The following TRIM64C variants were observed in gnomAD, a reference collection of about 807,000 sequenced individuals.
TRIM64C encodes the protein tripartite motif containing 64C, also known as tripartite motif-containing protein 64C.
TRIM64C carries 25 observed loss-of-function variants against 36.1 expected under a neutral mutation model. The ratio of observed to expected loss-of-function variants is 0.69; its 90% CI spans 0.51 to 0.97. The LOEUF is 0.97. TRIM64C is among the 50% of genes least tolerant of loss of function. TRIM64C has a pLI of 0.00. For missense variants in TRIM64C, 489 were observed against 536.8 expected, an observed-to-expected ratio of 0.91 and a Z score of 0.88; for synonymous variants, 212 against 185.7, an observed-to-expected ratio of 1.14 and a Z score of -1.15.
chr11:49,053,903 A>G lies in TRIM64C; in HGVS notation c.1164T>C (p.Ser388=). The G allele has an allele frequency of 6.4e-7, 1 of 1,551,724 alleles. No homozygotes were observed. Among genetic ancestry groups the G allele is most frequent in the Non-Finnish European group, 8.7e-7 (1 of 1,146,874 alleles). ...SISSKTSNHY[S]LSTNSPPLIQ... ...TTAAAGGTGGAGAATTGGTGGAGAGACTATAGTGATTGCTCGTCTTTGAAG... is the reference window on the plus strand; with the variant it reads ...TTAAAGGTGGAGAATTGGTGGAGAGGCTATAGTGATTGCTCGTCTTTGAAG... The change falls in exon 6 of 6, where the codon AGT becomes AGC. Residue 388 remains serine (S), a synonymous_variant. Coordinates refer to ENST00000617704, the MANE Select transcript of TRIM64C (RefSeq NM_001206631.1).
Position 49,058,160 on chromosome 11 carries a change from T to C in TRIM64C, c.425A>G (p.Lys142Arg). ...GATTTTCCATAAATAGTCCATTTCCTTTATAAGTTTCTCTTGCAAAAGAAG... is the reference window on the plus strand; with the variant it reads ...GATTTTCCATAAATAGTCCATTTCCCTTATAAGTTTCTCTTGCAAAAGAAG... ...AEECRVQKLI[K>R]EMDYLWKINQ... Residue 142 changes from lysine (K) to arginine (R), a missense_variant, in exon 2 of 6, where the codon AAG becomes AGG. Coordinates refer to ENST00000617704, the MANE Select transcript of TRIM64C (RefSeq NM_001206631.1). 1 of 1,525,662 alleles carries C rather than the reference T, an allele frequency of 6.6e-7. No homozygotes were observed. Among genetic ancestry groups the C allele is most frequent in the Non-Finnish European group, 8.8e-7 (1 of 1,141,212 alleles). The allele number at this position is 1,525,662 out of a possible 1,614,324, so 94.5% of individuals were successfully genotyped here. A position where few individuals can be genotyped will look rare whatever the true frequency, so the allele number is the denominator to read the frequency against.
Position 49,055,338 on chromosome 11 carries a change from T to A in TRIM64C, c.831A>T (p.Gly277=). The part of the protein sequence containing the change: ...NPELTSWCIT[G]VLDMLNNFRV... ...TGAAGTTGTTGAGCATGTCTAGGAC[T>A]CCAGTTATGCACCATGAAGTGAGCT... Residue 277 remains glycine (G), a synonymous_variant, in exon 5 of 6, where the codon GGA becomes GGT. Coordinates refer to ENST00000617704, the MANE Select transcript of TRIM64C (RefSeq NM_001206631.1). 2 of 1,535,924 alleles carry A rather than the reference T, an allele frequency of 1.3e-6. No homozygotes were observed. The highest frequency in any genetic ancestry group is 1.7e-6 in the Non-Finnish European group (2 of 1,146,852).
intron 2 of TRIM64C, chr11:49,057,760 A>G (rs1379771496): frequency 8.0e-6 from 4 of 498,278 alleles, no homozygotes; most frequent in South Asian, 6.5e-5. Context: ...TACTCTATAT[A>G]CTATTCTATT....
intron 2 of TRIM64C, chr11:49,057,724 G>A (rs1215087682): frequency 6.3e-6 from 3 of 473,878 alleles, no homozygotes; most frequent in African/African-American, 4.0e-5. Flanking sequence ...ATATTATGCA[G>A]TATTTTTTTA....
rs1854776290 is a variant in TRIM64C at position 49,053,815 on chromosome 11, C to T, written c.1252G>A (p.Val418Met). Residue 418 changes from valine to methionine, a missense_variant, in exon 6 of 6, where the codon GTG (valine) becomes ATG (methionine). Coordinates refer to ENST00000617704, the MANE Select transcript of TRIM64C (RefSeq NM_001206631.1). Reference protein sequence around the residue: ...GVFLDYDNGSVSFFDVSKGSL... With the variant: ...GVFLDYDNGSMSFFDVSKGSL... The stretch of plus-strand genomic sequence containing the variant: ...CCTTTAGAAACATCAAAAAAACTCA[C>T]AGATCCATTATCATAATCCAGAAAC... The T allele has an allele frequency of 1.3e-6, 2 of 1,551,690 alleles. No homozygotes were observed. Among genetic ancestry groups the T allele is most frequent in the Non-Finnish European group, 8.7e-7 (1 of 1,146,862 alleles).
chr11:49,055,397 C>A lies in TRIM64C; in HGVS notation c.772G>T (p.Ala258Ser). The A allele has an allele frequency of 2.7e-6, 4 of 1,497,490 alleles. No individual in the cohort carries two copies. Among genetic ancestry groups the A allele is most frequent in the Non-Finnish European group, 3.5e-6 (4 of 1,133,810 alleles). 92.8% of individuals were successfully genotyped at this position (1,497,490 alleles called of 1,614,324 possible). ...VGNISARTDL[A>S]QMPKPQPVNP... ...ACTGGCTGGGGCTTTGGCATCTGTGCCAAATCAGTTCTGCAAAAAAAAAAT... is the reference window on the plus strand; with the variant it reads ...ACTGGCTGGGGCTTTGGCATCTGTGACAAATCAGTTCTGCAAAAAAAAAAT... Residue 258 changes from alanine (A) to serine (S), a missense_variant, in exon 5 of 6, where the codon GCA becomes TCA. Physicochemically the swap from Ala to Ser is moderately conservative, Grantham distance 99 (BLOSUM62 1). Transcript: ENST00000617704.
At chr11:49,056,776 C>T (rs1854819489) in intron 3 of TRIM64C, among the ~76,000 whole-genome samples, 2 of 151,866 alleles carry the variant, frequency 1.3e-5, no homozygotes, top group South Asian at 4.1e-4. Flanking sequence ...CAAGGGGAAA[C>T]CCCTCAATGT....
Position 49,056,983 on chromosome 11 carries a change from A to T in TRIM64C, c.738+165T>A, listed in dbSNP as rs2696939. ...AAATGGCAAAAATTTCCCAAAGATT[A>T]CCAAAGTATGCAGTAATAAATGACT... On this transcript the variant is annotated intron_variant, in intron 3 of 5. Coordinates refer to ENST00000617704, the MANE Select transcript of TRIM64C (RefSeq NM_001206631.1). Among the ~76,000 whole-genome samples, 1,485 of 152,050 alleles carry T rather than the reference A, an allele frequency of 9.8e-3. 70 individuals carry two copies. Among genetic ancestry groups the T allele is most frequent in the African/African-American group, 0.035 (1,431 of 41,278 alleles).
chr11:49,058,789 T>C lies in TRIM64C; in HGVS notation c.324A>G (p.Arg108=). ...TKELFCEADK[R]LLCGPCSESP... ...ACTCAGAGCAGGGCCCACAGAGCAA[T>C]CTCTTGTCAGCCTCACAGAAGAGCT... Residue 108 remains arginine (R), a synonymous_variant, in exon 1 of 6, where the codon AGA becomes AGG. Transcript: ENST00000617704. 6.5e-7 allele frequency: 1 copy of C among 1,548,920 alleles called. No homozygotes were observed. The highest frequency in any genetic ancestry group is 8.7e-7 in the Non-Finnish European group (1 of 1,146,740).
At chr11:49,058,343 A>G (rs778506730) in intron 1 of TRIM64C, among the ~76,000 whole-genome samples, 171 bp from the exon 2 acceptor site, 1 of 151,918 alleles carries the variant, frequency 6.6e-6, no homozygotes, top group African/African-American at 2.4e-5. Flanking sequence ...GAAAAGTGAT[A>G]GAAACATAAT....
At chr11:49,054,352 G>A in intron 5 of TRIM64C, 145 bp from the exon 6 acceptor site, 3 of 882,976 alleles carry the variant, frequency 3.4e-6, no homozygotes, top group Non-Finnish European at 5.1e-6. Flanking sequence ...CCATGAAGAT[G>A]AAATGTTATT....
intron 5 of TRIM64C, 124 bp downstream of exon 5, chr11:49,055,184 CAT>C: frequency 8.6e-7 from 1 of 1,160,488 alleles, no homozygotes; most frequent in South Asian, 1.4e-5. Context: ...AGAAGATGCA[CAT>C]GTTTTGGAAA....
rs749489256 is a variant in TRIM64C, at chr11:49,054,112, G to A, written c.955C>T (p.Pro319Ser). The change falls in exon 6 of 6, where the codon CCC becomes TCC. Residue 319 changes from proline to serine, a missense_variant. Transcript: ENST00000617704. ...CTCTCCACTCCTTGGGGATCCATGG[G>A]TGCACTGCGATGGTCATCTCCAAAT... ...VIFGDDHRSA[P>S]MDPQGVESFA... is the part of the protein sequence containing the mutation. The A allele has an allele frequency of 1.0e-5, 16 of 1,551,578 alleles. No individual in the cohort carries two copies. In the South Asian group the frequency reaches 1.8e-4, roughly 17 times the overall value.
Position 49,056,391 on chromosome 11 carries a change from A to T in TRIM64C, c.739-10T>A. On this transcript the variant is annotated splice_polypyrimidine_tract_variant and intron_variant, in intron 3 of 5. Coordinates refer to ENST00000617704, the MANE Select transcript of TRIM64C (RefSeq NM_001206631.1). Reference sequence around the variant, plus strand: ...ATATATTTCCCACATCCTGCAAAAAAAATAAAATGTAATGTTAATTATGAG... The same window carrying T: ...ATATATTTCCCACATCCTGCAAAAATAATAAAATGTAATGTTAATTATGAG... The T allele has an allele frequency of 4.5e-6, 7 of 1,538,682 alleles. No homozygotes were observed. Among genetic ancestry groups the T allele is most frequent in the Non-Finnish European group, 6.2e-6 (7 of 1,137,662 alleles).
At chr11:49,057,585 C>T (rs1157629649) in intron 2 of TRIM64C, among the ~76,000 whole-genome samples, 1 of 151,808 alleles carries the variant, frequency 6.6e-6, no homozygotes, top group African/African-American at 2.4e-5. Context: ...TATAAAGACT[C>T]CTGGTTTCCG....
rs1262125610 is a variant in TRIM64C, at chr11:49,053,932, T to C, written c.1135A>G (p.Ile379Val). The change falls in exon 6 of 6, where the codon ATT becomes GTT. Residue 379 changes from isoleucine to valine, a missense_variant. By Grantham distance (29) the Ile-to-Val change is conservative. Transcript: ENST00000617704. The stretch of plus-strand genomic sequence containing the variant: ...TAGTGATTGCTCGTCTTTGAAGAAA[T>C]TGAAAAAAATGTTTTGTCAGAATCA... ...VIDSDKTFFS[I>V]SSKTSNHYSL... 8 of 1,551,388 alleles carry C rather than the reference T, an allele frequency of 5.2e-6. No homozygotes were observed. In the African/African-American group the frequency reaches 9.6e-5, roughly 19 times the overall value.
intron 3 of TRIM64C, 70 bp downstream of exon 3, chr11:49,057,078 C>A: frequency 6.5e-7 from 1 of 1,526,842 alleles, no homozygotes; most frequent in Non-Finnish European, 8.9e-7. Context: ...ATGCTGATGA[C>A]ATTTGCATGT....
chr11:49,057,630 C>G, intron 2 of TRIM64C: 1 of 537,218 alleles, frequency 1.9e-6, no homozygotes, highest in East Asian at 3.4e-5. Context: ...CTTACTGAGT[C>G]AATTATTTCC....
Position 49,058,831 on chromosome 11 carries a change from G to A in TRIM64C, c.282C>T (p.Leu94=), listed in dbSNP as rs1413109469. 6.5e-7 allele frequency: 1 copy of A among 1,549,316 alleles called. No individual in the cohort carries two copies. The highest frequency in any genetic ancestry group is 1.2e-5 in the South Asian group (1 of 83,972). ...AGAAGAGCTCCTTAGTCTCCTCATG[G>A]AGCACACAGATATTGTCTGAGCTGT... ...NINSSDNICV[L]HEETKELFCE... is the part of the protein sequence containing the mutation. Residue 94 remains leucine, a synonymous_variant, in exon 1 of 6, where the codon CTC becomes CTT. Coordinates refer to ENST00000617704, the MANE Select transcript of TRIM64C (RefSeq NM_001206631.1).
Sources: allele counts gnomAD v4.1 joint callset (sites outside exome capture counted in the v4.1 genomes callset), GRCh38; gene constraint gnomAD v4.1.1; transcripts MANE v1.5; gene names NCBI Gene and HGNC (gene_info 2026-07-23, HGNC 2026-07-21).